The following ASPH variants were observed in gnomAD, a reference collection of about 807,000 sequenced individuals.
ASPH encodes aspartate beta-hydroxylase, also known as aspartyl/asparaginyl beta-hydroxylase.
In ASPH, 100 loss-of-function variants were observed where a neutral mutation model predicts 118.4. The observed-to-expected ratio is 0.84, with a 90% CI of 0.72 to 1.00. The LOEUF (loss-of-function observed/expected upper bound fraction) is 1.00. ASPH is among the 50% of genes least tolerant of loss of function. The pLI, the probability that ASPH is intolerant of heterozygous loss-of-function variation, is 0.00. For synonymous variants in ASPH, 315 were observed against 325.6 expected (o/e 0.97, Z 0.35); for missense variants, 920 against 919.5 (o/e 1.00, Z -0.01).
chr8:61,642,808 G>A (rs918261369), intron 10 of ASPH, 80 bp downstream of exon 10: 3 of 1,252,890 alleles, frequency 2.4e-6, no homozygotes, highest in African/African-American at 3.2e-5. Context: ...TTGTGCCACT[G>A]CACTGCAGCC....
Position 61,714,483 on chromosome 8 carries a change from C to A in ASPH, c.-112G>T. The stretch of plus-strand genomic sequence containing the variant: ...GCGGGCCGCTGGAGCGGGTTCGGGC[C>A]GCTGCTCCTGCAGCAGACCCTGTGC... On this transcript the variant is annotated 5_prime_UTR_variant, in exon 1 of 25. Coordinates refer to ENST00000379454, the MANE Select transcript of ASPH (RefSeq NM_004318.4). 1.5e-6 allele frequency: 2 copies of A among 1,338,466 alleles called. No homozygotes were observed. Among genetic ancestry groups the A allele is most frequent in the African/African-American group, 3.1e-5 (2 of 64,804 alleles). The allele number at this position is 1,338,466 out of a possible 1,614,324, so 82.9% of individuals were successfully genotyped here. A position where few individuals can be genotyped will look rare whatever the true frequency, so the allele number is the denominator to read the frequency against.
chr8:61,650,009 T>A (rs1270666108), intron 5 of ASPH, among the ~76,000 whole-genome samples: 1 of 152,160 alleles, frequency 6.6e-6, no homozygotes, highest in Non-Finnish European at 1.5e-5. Flanking sequence ...AGCACTGGCC[T>A]GGTGAAGGTC....
At chr8:61,621,508 G>A (rs1850922236) in intron 13 of ASPH, among the ~76,000 whole-genome samples, 1 of 152,176 alleles carries the variant, frequency 6.6e-6, no homozygotes. Context: ...CTGTACCTAT[G>A]CTTCTCTGGG....
At chr8:61,644,558 A>C in intron 7 of ASPH, 42 bp downstream of exon 7, 1 of 1,463,496 alleles carries the variant, frequency 6.8e-7, no homozygotes, top group Non-Finnish European at 9.2e-7. Flanking sequence ...TTTTAAAGGA[A>C]GACTCACTCT....
intron 3 of ASPH, chr8:61,680,743 GAT>G: frequency 3.1e-6 from 1 of 322,526 alleles, no homozygotes; most frequent in Non-Finnish European, 5.6e-6. Flanking sequence ...CTTATCAAAA[GAT>G]ATATGTGTAA....
At chr8:61,638,398 C>T (rs775364989) in intron 10 of ASPH, 35 bp from the exon 11 acceptor site, 1 of 1,515,594 alleles carries the variant, frequency 6.6e-7, no homozygotes, top group Non-Finnish European at 9.0e-7. Flanking sequence ...AATCCCGTAA[C>T]TTTCATTGTA....
chr8:61,526,526 A>G (rs1815408309), intron 21 of ASPH, among the ~76,000 whole-genome samples: 3 of 152,210 alleles, frequency 2.0e-5, no homozygotes, highest in African/African-American at 7.2e-5. Flanking sequence ...TCACCTTTCA[A>G]CAGAGTTCCT....
intron 14 of ASPH, among the ~76,000 whole-genome samples, chr8:61,585,396 G>C (rs897593423): frequency 6.6e-6 from 1 of 152,104 alleles, no homozygotes; most frequent in Non-Finnish European, 1.5e-5. Context: ...GGATAGAGAC[G>C]AATTAAAACA....
At chr8:61,677,514 A>T (rs1825970883) in intron 3 of ASPH, among the ~76,000 whole-genome samples, 1 of 152,196 alleles carries the variant, frequency 6.6e-6, no homozygotes, top group South Asian at 2.1e-4. Context: ...CAGATAAAGG[A>T]TAAGACGACA....
intron 4 of ASPH, among the ~76,000 whole-genome samples, chr8:61,652,601 G>T (rs764666021): frequency 1.3e-5 from 2 of 152,194 alleles, no homozygotes; most frequent in African/African-American, 4.8e-5. Flanking sequence ...CTGTTGTAGA[G>T]GGGAGAGGGA....
intron 5 of ASPH, 72 bp from the exon 6 acceptor site, chr8:61,646,950 C>T: frequency 1.3e-6 from 2 of 1,590,598 alleles, no homozygotes; most frequent in Non-Finnish European, 1.7e-6. Context: ...AGGGCTGCCA[C>T]ACACCTGCTC....
chr8:61,551,592 C>G (rs1383640304), intron 20 of ASPH, among the ~76,000 whole-genome samples: 1 of 152,182 alleles, frequency 6.6e-6, no homozygotes, highest in Admixed American at 6.5e-5. Flanking sequence ...TAGTAATGAA[C>G]TTTTTGCCCT....
rs551346127 is a variant in ASPH, at chr8:61,688,026, T to A, written c.104-3838A>T. ...TACTCTTGATATGTCATTTGGTAAA[T>A]ATGCTGTGCCTAGTCCCAAAGGGCA... On this transcript the variant is annotated intron_variant, in intron 1 of 24. Coordinates refer to ENST00000379454, the MANE Select transcript of ASPH (RefSeq NM_004318.4). 4.6e-5 allele frequency among the ~76,000 whole-genome samples: 7 copies of A among 152,262 alleles called. No individual in the cohort carries two copies. In the East Asian group the frequency reaches 1.4e-3, roughly 29 times the overall value.
In ASPH at chr8:61,665,281, T is replaced by C. The variant is rs1195129111; in HGVS notation, c.323-11621A>G. On this transcript the variant is annotated intron_variant, in intron 3 of 24. Transcript: ENST00000379454. ...CGTTTCTTTTCTGGGTATTTCCCTTTGTTAAGTGTGCATATCTGGTAGAAC... is the reference window on the plus strand; with the variant it reads ...CGTTTCTTTTCTGGGTATTTCCCTTCGTTAAGTGTGCATATCTGGTAGAAC... 9 of 1,605,798 alleles carry C rather than the reference T, an allele frequency of 5.6e-6. No individual in the cohort carries two copies. The East Asian group carries it at 1.6e-4, about 28-fold the overall frequency.
intron 24 of ASPH, among the ~76,000 whole-genome samples, chr8:61,507,793 A>G (rs1269012621): frequency 1.3e-5 from 2 of 152,234 alleles, no homozygotes; most frequent in Admixed American, 6.5e-5. Flanking sequence ...GCTCCATCAA[A>G]TAAGATTAAG....
intron 20 of ASPH, among the ~76,000 whole-genome samples, chr8:61,549,836 A>T (rs1343015576): frequency 2.6e-5 from 4 of 152,208 alleles, no homozygotes; most frequent in African/African-American, 9.6e-5. Flanking sequence ...GAATAGTGAG[A>T]AAAGAAGTTA....
chr8:61,554,679 A>T (rs1272605677), intron 19 of ASPH, among the ~76,000 whole-genome samples: 1 of 152,128 alleles, frequency 6.6e-6, no homozygotes, highest in Non-Finnish European at 1.5e-5. Context: ...ACAGTAGAAA[A>T]TTCTTTTTTT....
At chr8:61,667,084 T>C (rs1215647306) in intron 3 of ASPH, among the ~76,000 whole-genome samples, 1 of 152,110 alleles carries the variant, frequency 6.6e-6, no homozygotes, top group Non-Finnish European at 1.5e-5. Flanking sequence ...GATCTTAAAA[T>C]ATAAATCACA....
intron 14 of ASPH, among the ~76,000 whole-genome samples, chr8:61,608,391 T>C (rs1049186398): frequency 6.6e-6 from 1 of 152,192 alleles, no homozygotes; most frequent in African/African-American, 2.4e-5. Context: ...AGCTCAGTAT[T>C]CTGTCCACGC....
Sources: allele counts gnomAD v4.1 joint callset (sites outside exome capture counted in the v4.1 genomes callset), GRCh38; gene constraint gnomAD v4.1.1; transcripts MANE v1.5; gene names NCBI Gene and HGNC (gene_info 2026-07-23, HGNC 2026-07-21).